TASP1: variants seen among roughly 807,000 people sequenced by gnomAD.
TASP1 encodes taspase 1.
A neutral mutation model predicts 56.6 loss-of-function variants in TASP1; 16 were observed. The ratio of observed to expected loss-of-function variants is 0.28; its 90% CI spans 0.19 to 0.43. The LOEUF (loss-of-function observed/expected upper bound fraction) is 0.43. TASP1 is among the 20% of genes least tolerant of loss of function. The pLI, the probability that TASP1 is intolerant of heterozygous loss-of-function variation, is 1.00. For missense variants in TASP1, 393 were observed against 511.6 expected, an observed-to-expected ratio of 0.77 and a Z score of 2.24; for synonymous variants, 179 against 184.2, an observed-to-expected ratio of 0.97 and a Z score of 0.23.
At chr20:13,192,464 C>T in the TASP1 span, among the ~76,000 whole-genome samples, 3 of 152,186 alleles carry the variant, frequency 2.0e-5, no homozygotes, top group Admixed American at 6.5e-5. Flanking sequence ...CACTTGAACC[C>T]AAGTGATCAA....
chr20:13,438,474 C>T (rs1272731738), intron 11 of TASP1, among the ~76,000 whole-genome samples: 10 of 152,186 alleles, frequency 6.6e-5, no homozygotes, highest in African/African-American at 2.4e-4. Flanking sequence ...GAAACTGGAT[C>T]CCTTCCTTAT....
At chr20:13,467,184 A>AAC (rs2044291684) in intron 11 of TASP1, among the ~76,000 whole-genome samples, 1 of 37,950 alleles carries the variant, frequency 2.6e-5, no homozygotes, top group African/African-American at 1.1e-4. Context: ...ACACACATAC[A>AAC]ATACACACAC....
At chr20:13,148,978 C>T in the TASP1 span, among the ~76,000 whole-genome samples, 1 of 152,190 alleles carries the variant, frequency 6.6e-6, no homozygotes. Flanking sequence ...ATAAGCTTAT[C>T]TCTAATTTAC....
At chr20:13,434,993 T>C in intron 12 of TASP1, 51 bp downstream of exon 12, 1 of 1,383,386 alleles carries the variant, frequency 7.2e-7, no homozygotes, top group Non-Finnish European at 9.9e-7. Flanking sequence ...TTTTCATTTT[T>C]TCTTGGAAAA....
chr20:13,209,176 A>G, the TASP1 span, among the ~76,000 whole-genome samples: 1 of 152,178 alleles, frequency 6.6e-6, no homozygotes, highest in Admixed American at 6.5e-5. Context: ...AATTGACCTG[A>G]AACCTGTACT....
chr20:13,294,674 C>G, the TASP1 span, among the ~76,000 whole-genome samples: 3 of 152,128 alleles, frequency 2.0e-5, no homozygotes, highest in Admixed American at 6.5e-5. Flanking sequence ...AAGGTACAAG[C>G]AGAGTGGAAG....
chr20:13,393,998 T>G (rs1047090383), intron 13 of TASP1, among the ~76,000 whole-genome samples: 2 of 152,146 alleles, frequency 1.3e-5, no homozygotes, highest in Non-Finnish European at 2.9e-5. Flanking sequence ...TAGATTTTTT[T>G]GGACGGGCGT....
chr20:13,622,079 T>C (rs1314515064), intron 4 of TASP1, among the ~76,000 whole-genome samples: 2 of 152,240 alleles, frequency 1.3e-5, no homozygotes, highest in African/African-American at 4.8e-5. Flanking sequence ...TCATTAATAG[T>C]TGCCATAAAT....
At chr20:13,214,540 C>G in the TASP1 span, among the ~76,000 whole-genome samples, 31 of 129,000 alleles carry the variant, frequency 2.4e-4, no homozygotes, top group Middle Eastern at 3.7e-3. Context: ...CACACACACA[C>G]ACACACACAC....
At chr20:13,173,245 T>C in the TASP1 span, among the ~76,000 whole-genome samples, 2 of 152,156 alleles carry the variant, frequency 1.3e-5, no homozygotes, top group Admixed American at 6.5e-5. Flanking sequence ...TGCCCTAATA[T>C]CTTAGTTCCT....
the TASP1 span, among the ~76,000 whole-genome samples, chr20:13,383,149 G>T: frequency 7.2e-5 from 11 of 152,214 alleles, no homozygotes; most frequent in Admixed American, 4.6e-4. Context: ...GGCCTTGTAG[G>T]AACTCTGGGA....
chr20:13,582,885 T>C (rs972996920), intron 5 of TASP1, among the ~76,000 whole-genome samples: 7 of 152,054 alleles, frequency 4.6e-5, no homozygotes, highest in Non-Finnish European at 1.0e-4. Context: ...GCACAATAGG[T>C]AAGCTTTGTC....
At position 13,460,527 on chromosome 20, in the gene TASP1, C is replaced by T. The variant is rs534355779; in HGVS notation, c.985+22700G>A. 2.0e-5 allele frequency among the ~76,000 whole-genome samples: 3 copies of T among 152,250 alleles called. No individual in the cohort carries two copies. The East Asian group carries it at 5.8e-4, about 29-fold the overall frequency. On this transcript the variant is annotated intron_variant, in intron 11 of 13. Coordinates refer to ENST00000337743, the MANE Select transcript of TASP1 (RefSeq NM_017714.3). ...TCCCTGAACTTGACACTTATATATGCAATTGCCTAATTAACATTTCCACTT... is the reference window on the plus strand; with the variant it reads ...TCCCTGAACTTGACACTTATATATGTAATTGCCTAATTAACATTTCCACTT...
chr20:13,594,774 A>G (rs1306743439), intron 4 of TASP1, among the ~76,000 whole-genome samples: 5 of 152,256 alleles, frequency 3.3e-5, no homozygotes, highest in African/African-American at 1.2e-4. Flanking sequence ...AGTGACAGGC[A>G]GAATGGAACC....
the TASP1 span, among the ~76,000 whole-genome samples, chr20:13,323,327 A>G: frequency 6.6e-6 from 1 of 152,180 alleles, no homozygotes; most frequent in Non-Finnish European, 1.5e-5. Flanking sequence ...TGGAAACACA[A>G]TGACTCAGGC....
chr20:13,634,297 T>C (rs1462104824), intron 1 of TASP1, among the ~76,000 whole-genome samples: 1 of 152,192 alleles, frequency 6.6e-6, no homozygotes, highest in East Asian at 1.9e-4. Flanking sequence ...TATTATATGA[T>C]TCCATTTATA....
chr20:13,613,069 A>G (rs973338914), intron 4 of TASP1, among the ~76,000 whole-genome samples: 2 of 152,202 alleles, frequency 1.3e-5, no homozygotes, highest in African/African-American at 4.8e-5. Context: ...AACTTTTTTT[A>G]TTAGTAATAA....
intron 4 of TASP1, among the ~76,000 whole-genome samples, chr20:13,618,468 AATAAT>A (rs1470790724): frequency 6.6e-6 from 1 of 152,164 alleles, no homozygotes; most frequent in East Asian, 1.9e-4. Context: ...TATTATACAT[AATAAT>A]ATAAATATAT....
chr20:13,447,519 C>T (rs1443315658), intron 11 of TASP1, among the ~76,000 whole-genome samples: 2 of 152,070 alleles, frequency 1.3e-5, no homozygotes, highest in Admixed American at 6.6e-5. Flanking sequence ...TATTAAAGGG[C>T]AGACTTCACT....
Sources: gnomAD v4.1 joint callset for allele counts (sites outside exome capture counted in the v4.1 genomes callset) on GRCh38, gnomAD v4.1.1 for gene constraint, MANE v1.5 for transcripts, NCBI Gene and HGNC (gene_info 2026-07-23, HGNC 2026-07-21) for gene names.